ACOT7: variants seen among roughly 807,000 people sequenced by gnomAD.
ACOT7 encodes the protein acyl-CoA thioesterase 7.
A neutral mutation model predicts 40.2 loss-of-function variants in ACOT7; 12 were observed. The ratio of observed to expected loss-of-function variants is 0.30; its 90% CI spans 0.19 to 0.48. ACOT7 has a LOEUF of 0.48. Ranked by LOEUF, ACOT7 falls within the 20% of genes least tolerant of loss-of-function variation. The pLI is 0.99. For missense variants in ACOT7, 395 were observed against 530.8 expected, an observed-to-expected ratio of 0.74 and a Z score of 2.51; for synonymous variants, 228 against 219.5, an observed-to-expected ratio of 1.04 and a Z score of -0.34.
chr1:6,361,257 T>A (rs1037282954), intron 1 of ACOT7, among the ~76,000 whole-genome samples: 1 of 152,146 alleles, frequency 6.6e-6, no homozygotes, highest in African/African-American at 2.4e-5. Context: ...TGATTCCATG[T>A]ATATTAAATG....
In ACOT7 at chr1:6,359,178, G is replaced by A; in HGVS notation, c.144-9312C>T. 1 of 251,694 alleles carries A rather than the reference G, an allele frequency of 4.0e-6. No homozygotes were observed. The allele number at this position is 251,694 out of a possible 1,614,324, so 15.6% of individuals were successfully genotyped here. On this transcript the variant is annotated intron_variant, in intron 1 of 8. Coordinates refer to ENST00000361521, the MANE Select transcript of ACOT7 (RefSeq NM_007274.4). This position sits in a 1 kb window ranked among gnomAD's most constrained non-coding sequence, Gnocchi z 4.1. ...TGAGCGGCCTCAGGGAAGCGGCTAT[G>A]AGGCTCTGCCTTCTCTGACAGGGCA...
At position 6,384,181 on chromosome 1, in the gene ACOT7, A is replaced by G. The variant is rs1244960666; in HGVS notation, c.143+9076T>C. 2.0e-5 allele frequency among the ~76,000 whole-genome samples: 3 copies of G among 151,880 alleles called. No individual in the cohort carries two copies. The East Asian group carries it at 5.8e-4, about 29-fold the overall frequency. ...CAACAACAAAAAGACAATTACACCA[A>G]TTGGAAAATACAGGAAAGACCTGAC... On this transcript the variant is annotated intron_variant, in intron 1 of 8. Coordinates refer to ENST00000361521, the MANE Select transcript of ACOT7 (RefSeq NM_007274.4).
chr1:6,391,876 C>T (rs929239821), intron 1 of ACOT7, among the ~76,000 whole-genome samples: 3 of 152,168 alleles, frequency 2.0e-5, no homozygotes, highest in African/African-American at 7.2e-5. Flanking sequence ...GCCCAAGTTT[C>T]CCAGCCAATA....
intron 7 of ACOT7, among the ~76,000 whole-genome samples, chr1:6,284,469 G>A (rs1639441895): frequency 6.6e-6 from 1 of 151,860 alleles, no homozygotes; most frequent in Admixed American, 6.6e-5. Context: ...CCAGCTACTT[G>A]GGAGGCTGAG....
At chr1:6,319,321 T>C (rs920210041) in intron 5 of ACOT7, among the ~76,000 whole-genome samples, 2 of 152,248 alleles carry the variant, frequency 1.3e-5, no homozygotes, top group African/African-American at 4.8e-5. Flanking sequence ...GCCTCCCAAG[T>C]AGCTGGGATT....
At chr1:6,270,366 C>T (rs759700822) in intron 8 of ACOT7, among the ~76,000 whole-genome samples, 61 of 152,172 alleles carry the variant, frequency 4.0e-4, no homozygotes, top group Admixed American at 2.9e-3. Flanking sequence ...CTCAAGTCCC[C>T]GAGGCTGCTG....
At chr1:6,353,007 T>G (rs1024925001) in intron 1 of ACOT7, among the ~76,000 whole-genome samples, 1 of 151,946 alleles carries the variant, frequency 6.6e-6, no homozygotes, top group Non-Finnish European at 1.5e-5. Context: ...GCCTTCCGAG[T>G]AAGTGGGATT....
chr1:6,285,143 C>T (rs1265160590), intron 7 of ACOT7, among the ~76,000 whole-genome samples: 2 of 152,182 alleles, frequency 1.3e-5, no homozygotes, highest in African/African-American at 4.8e-5. Context: ...ATCCAGTTGA[C>T]AGGCTGGACC....
chr1:6,329,517 C>T (rs1303755193), intron 4 of ACOT7, among the ~76,000 whole-genome samples: 5 of 151,872 alleles, frequency 3.3e-5, no homozygotes, highest in Non-Finnish European at 7.4e-5. Context: ...AGCCAGCCCC[C>T]GGTCTAATAA....
At chr1:6,367,185 C>T (rs1482273483) in intron 1 of ACOT7, among the ~76,000 whole-genome samples, 3 of 145,778 alleles carry the variant, frequency 2.1e-5, no homozygotes, top group Admixed American at 7.0e-5. Flanking sequence ...GGCGACAGAG[C>T]GAGACTCCAT....
At chr1:6,360,904 G>T (rs571628007) in intron 1 of ACOT7, among the ~76,000 whole-genome samples, 2 of 152,154 alleles carry the variant, frequency 1.3e-5, no homozygotes, top group African/African-American at 4.8e-5. Flanking sequence ...AGATGGTCCC[G>T]CAAAGAGGAA....
chr1:6,306,552 G>C lies in ACOT7; in HGVS notation c.713-11572C>G, dbSNP rs1381356896. On this transcript the variant is annotated intron_variant, in intron 6 of 8. Transcript: ENST00000361521. The surrounding 1 kb of genome is among the most constrained non-coding windows in gnomAD (Gnocchi z 4.3). ...GGACGTGAAGCTGTTCTTCAGAACAGAAGAACCTGGAGAACGATGTTTTCA... is the reference window on the plus strand; with the variant it reads ...GGACGTGAAGCTGTTCTTCAGAACACAAGAACCTGGAGAACGATGTTTTCA... 39 of 985,308 alleles carry C rather than the reference G, an allele frequency of 4.0e-5. No individual in the cohort carries two copies. The highest frequency in any genetic ancestry group is 4.6e-5 in the Non-Finnish European group (38 of 829,934). 61.0% of individuals were successfully genotyped at this position (985,308 alleles called of 1,614,324 possible).
At chr1:6,368,672 G>A (rs1024926475) in intron 1 of ACOT7, among the ~76,000 whole-genome samples, 8 of 152,206 alleles carry the variant, frequency 5.3e-5, no homozygotes, top group South Asian at 2.1e-4. Flanking sequence ...CAGTGAGAGC[G>A]GGTAAGAGCT....
chr1:6,264,831 C>T (rs1005324022), intron 8 of ACOT7, 136 bp from the exon 9 acceptor site: 10 of 870,828 alleles, frequency 1.1e-5, no homozygotes, highest in Non-Finnish European at 1.2e-5. Flanking sequence ...TACCACGCCT[C>T]GGCCCCGCTG....
intron 5 of ACOT7, among the ~76,000 whole-genome samples, chr1:6,326,403 A>G (rs1640799646): frequency 6.6e-6 from 1 of 152,232 alleles, no homozygotes. Flanking sequence ...CTTCGTTTAG[A>G]TTTTGAGTGA....
At chr1:6,308,512 A>G (rs1336245536) in intron 6 of ACOT7, among the ~76,000 whole-genome samples, 1 of 151,764 alleles carries the variant, frequency 6.6e-6, no homozygotes. Context: ...GGGAACTACA[A>G]CCGGGCAGAG....
intron 1 of ACOT7, among the ~76,000 whole-genome samples, chr1:6,380,326 G>A (rs1188383755): frequency 6.6e-6 from 1 of 151,690 alleles, no homozygotes; most frequent in Admixed American, 6.6e-5. Flanking sequence ...TCGGCCGGGT[G>A]TGGTGGCTCG....
Position 6,278,808 on chromosome 1 carries a change from C to T in ACOT7, c.1014+2294G>A, listed in dbSNP as rs976520689. Among the ~76,000 whole-genome samples, 3 of 152,180 alleles carry T rather than the reference C, an allele frequency of 2.0e-5. No individual in the cohort carries two copies. Among genetic ancestry groups the T allele is most frequent in the Admixed American group, 1.3e-4 (2 of 15,282 alleles). On this transcript the variant is annotated intron_variant, in intron 8 of 8. Transcript: ENST00000361521. This position sits in a 1 kb window ranked among gnomAD's most constrained non-coding sequence, Gnocchi z 4.1. ...TACAGACACTACAGGGTCCCCCATC[C>T]AGGGAGCGCAGGCTTCACTGAGGGC...
chr1:6,280,144 C>A (rs1321633833), intron 8 of ACOT7, among the ~76,000 whole-genome samples: 3 of 152,246 alleles, frequency 2.0e-5, no homozygotes, highest in African/African-American at 4.8e-5. Context: ...AGAACGCCAG[C>A]TCCCAAGAGG....
Sources: allele counts gnomAD v4.1 joint callset (sites outside exome capture counted in the v4.1 genomes callset), GRCh38; gene constraint gnomAD v4.1.1; non-coding constraint Gnocchi (gnomAD v3.1); transcripts MANE v1.5; gene names NCBI Gene and HGNC (gene_info 2026-07-23, HGNC 2026-07-21).